CDH10: variants seen among roughly 807,000 people sequenced by gnomAD.
CDH10 encodes cadherin-10.
In CDH10, 30 loss-of-function variants were observed where a neutral mutation model predicts 73.1. The ratio of observed to expected loss-of-function variants is 0.41; its 90% CI spans 0.31 to 0.56. The LOEUF is 0.56. Ranked by LOEUF, CDH10 falls within the 20% of genes least tolerant of loss-of-function variation. The pLI is 0.27. For synonymous variants in CDH10, 345 were observed against 348.2 expected, an observed-to-expected ratio of 0.99 and a Z score of 0.10; for missense variants, 815 against 973.7, an observed-to-expected ratio of 0.84 and a Z score of 2.17.
intron 9 of CDH10, among the ~76,000 whole-genome samples, chr5:24,493,604 C>T (rs1489792112): frequency 6.6e-6 from 1 of 151,786 alleles, no homozygotes; most frequent in Non-Finnish European, 1.5e-5. Flanking sequence ...ATATGATTAA[C>T]TAATATACAA....
chr5:24,635,232 C>G (rs1747830132), intron 1 of CDH10, among the ~76,000 whole-genome samples: 1 of 151,886 alleles, frequency 6.6e-6, no homozygotes. Flanking sequence ...TTATAGGTAT[C>G]AAAACGTTAA....
intron 2 of CDH10, among the ~76,000 whole-genome samples, chr5:24,571,181 G>A (rs1745368843): frequency 6.6e-6 from 1 of 152,090 alleles, no homozygotes; most frequent in Admixed American, 6.5e-5. Context: ...TCTGAGGACT[G>A]TATACATGGG....
At chr5:24,497,397 A>G (rs1419991599) in intron 9 of CDH10, among the ~76,000 whole-genome samples, 2 of 151,986 alleles carry the variant, frequency 1.3e-5, no homozygotes, top group South Asian at 2.1e-4. Context: ...TGTTTCATTA[A>G]GTAGTAAGTG....
chr5:24,543,647 T>C (rs565544967), intron 2 of CDH10, among the ~76,000 whole-genome samples: 1 of 152,104 alleles, frequency 6.6e-6, no homozygotes, highest in Non-Finnish European at 1.5e-5. Context: ...AACATAATAT[T>C]AAATGGAAAA....
At chr5:24,553,893 G>C (rs1744644657) in intron 2 of CDH10, 1 of 151,348 alleles carries the variant, frequency 6.6e-6, no homozygotes, top group Non-Finnish European at 1.5e-5. Flanking sequence ...TTTGGAACTT[G>C]AACACTTGTA....
At chr5:24,635,570 C>T (rs1346720871) in intron 1 of CDH10, among the ~76,000 whole-genome samples, 1 of 151,836 alleles carries the variant, frequency 6.6e-6, no homozygotes, top group African/African-American at 2.4e-5. Flanking sequence ...GACATTTTCA[C>T]TCTTTCTTAT....
At chr5:24,546,243 C>T (rs574835733) in intron 2 of CDH10, among the ~76,000 whole-genome samples, 26 of 151,840 alleles carry the variant, frequency 1.7e-4, no homozygotes, top group African/African-American at 6.3e-4. Flanking sequence ...TCAGGGGGTA[C>T]AAAGATCCTC....
intron 1 of CDH10, among the ~76,000 whole-genome samples, chr5:24,598,645 T>C (rs539694800): frequency 1.3e-5 from 2 of 152,194 alleles, no homozygotes; most frequent in Middle Eastern, 3.4e-3. Context: ...ATATCACTGT[T>C]GAATGAAATA....
chr5:24,509,636 C>A lies in CDH10; in HGVS notation c.1186G>T (p.Asp396Tyr), dbSNP rs143386410. 1.2e-6 allele frequency: 2 copies of A among 1,613,576 alleles called. No homozygotes were observed. The highest frequency in any genetic ancestry group is 1.7e-5 in the Admixed American group (1 of 60,010). The change falls in exon 7 of 12, where the codon GAT becomes TAT. Residue 396 changes from aspartate to tyrosine, a missense_variant. Asp to Tyr is a radical substitution (Grantham distance 160, BLOSUM62 -3). This residue lies in a region of CDH10 where 516 missense variants were observed against 636.6 expected (regional missense o/e 0.81). Coordinates refer to ENST00000264463, the MANE Select transcript of CDH10 (RefSeq NM_006727.5). Reference protein sequence around the residue: ...RSSYLFEVHEDIEVGTIIGTV... With the variant: ...RSSYLFEVHEYIEVGTIIGTV... Reference sequence around the variant, plus strand: ...CCAATGATTGTGCCCACTTCAATATCTTCATGAACTTCAAACAGATAGGAG... The same window carrying A: ...CCAATGATTGTGCCCACTTCAATATATTCATGAACTTCAAACAGATAGGAG...
At chr5:24,568,238 T>C (rs972339946) in intron 2 of CDH10, among the ~76,000 whole-genome samples, 3 of 151,958 alleles carry the variant, frequency 2.0e-5, no homozygotes, top group African/African-American at 7.3e-5. Flanking sequence ...TAAAGAAATA[T>C]TGGGCATGGA....
intron 2 of CDH10, among the ~76,000 whole-genome samples, chr5:24,560,798 T>C (rs545699686): frequency 2.8e-4 from 43 of 152,224 alleles, no homozygotes; most frequent in African/African-American, 9.1e-4. Context: ...GATAGATAGA[T>C]GTATTCAATC....
chr5:24,611,210 C>T (rs1449473157), intron 1 of CDH10, among the ~76,000 whole-genome samples: 2 of 152,054 alleles, frequency 1.3e-5, no homozygotes, highest in East Asian at 1.9e-4. Flanking sequence ...GTATCCACCC[C>T]TTTAATTGAT....
intron 3 of CDH10, among the ~76,000 whole-genome samples, chr5:24,536,502 A>G (rs1485481764): frequency 1.3e-5 from 2 of 152,100 alleles, no homozygotes; most frequent in Non-Finnish European, 2.9e-5. Context: ...TTGTTTAATC[A>G]GTTTAAACAA....
intron 1 of CDH10, among the ~76,000 whole-genome samples, chr5:24,625,366 C>G (rs2112178969): frequency 6.6e-6 from 1 of 151,758 alleles, no homozygotes; most frequent in East Asian, 1.9e-4. Flanking sequence ...AACTAAATAG[C>G]AAGAGTAGAT....
chr5:24,529,984 C>A (rs1213215828), intron 5 of CDH10, among the ~76,000 whole-genome samples: 1 of 150,700 alleles, frequency 6.6e-6, no homozygotes, highest in Non-Finnish European at 1.5e-5. Context: ...TATGGAAAAG[C>A]ACCTACCTGT....
chr5:24,586,972 G>A (rs1746036996), intron 2 of CDH10, among the ~76,000 whole-genome samples: 1 of 149,640 alleles, frequency 6.7e-6, no homozygotes, highest in Non-Finnish European at 1.5e-5. Context: ...AGCCTCCCGA[G>A]TAGCTGGGAC....
intron 2 of CDH10, among the ~76,000 whole-genome samples, chr5:24,539,909 TTCTA>T (rs1018111123): frequency 4.6e-5 from 7 of 152,082 alleles, no homozygotes; most frequent in East Asian, 1.9e-4. Flanking sequence ...ATATCTCTTG[TTCTA>T]TCTGAGAATT....
chr5:24,550,917 A>G (rs1355753597), intron 2 of CDH10, among the ~76,000 whole-genome samples: 1 of 152,040 alleles, frequency 6.6e-6, no homozygotes, highest in African/African-American at 2.4e-5. Context: ...CTCAGCTCTC[A>G]TTTAGTCCCT....
At chr5:24,539,603 A>G (rs934408824) in intron 2 of CDH10, among the ~76,000 whole-genome samples, 1 of 152,050 alleles carries the variant, frequency 6.6e-6, no homozygotes, top group East Asian at 1.9e-4. Context: ...AAAACCCCAA[A>G]TGGGCATATA....
Sources: allele counts gnomAD v4.1 joint callset (sites outside exome capture counted in the v4.1 genomes callset), GRCh38; gene constraint gnomAD v4.1.1; regional missense constraint gnomAD v4.1.1; transcripts MANE v1.5; gene names NCBI Gene and HGNC (gene_info 2026-07-23, HGNC 2026-07-21).